Variants in KIF1B observed in about 807,000 individuals in gnomAD.
KIF1B encodes kinesin-like protein KIF1B.
In KIF1B, 76 loss-of-function variants were observed where a neutral mutation model predicts 241.9. The ratio of observed to expected loss-of-function variants is 0.31; its 90% confidence interval spans 0.26 to 0.38. The LOEUF (loss-of-function observed/expected upper bound fraction) is 0.38, where lower values mean the gene tolerates loss of function less well. KIF1B is among the 10% of genes least tolerant of loss of function. KIF1B has a pLI of 1.00. For synonymous variants in KIF1B, 750 were observed against 796.7 expected (o/e 0.94, Z 0.99); for missense variants, 1,622 against 2,271.4 (o/e 0.71, Z 5.81).
chr1:10,258,675 GA>G lies in KIF1B; in HGVS notation c.363+8del. 6.2e-7 allele frequency: 1 copy of G among 1,613,938 alleles called. No individual in the cohort carries two copies. Among genetic ancestry groups the G allele is most frequent in the African/African-American group, 1.3e-5 (1 of 75,032 alleles). On this transcript the variant is annotated splice_donor_region_variant and intron_variant, in intron 4 of 48. Transcript: ENST00000676179. ...GCCAGGCTGGCATCATTCCACAGGTGAAAAACAAAACAAAACAAAAATCTTC... is the reference window on the plus strand; with the variant it reads ...GCCAGGCTGGCATCATTCCACAGGTGAAAACAAAACAAAACAAAAATCTTC...
chr1:10,278,839 A>T (rs1649255322), intron 13 of KIF1B: 1 of 436,020 alleles, frequency 2.3e-6, no homozygotes, highest in South Asian at 4.6e-5. Flanking sequence ...TTAGTTTAGT[A>T]AAGCATTTTT....
At chr1:10,319,686 A>G (rs186379439) in intron 22 of KIF1B, among the ~76,000 whole-genome samples, 24 of 152,174 alleles carry the variant, frequency 1.6e-4, no homozygotes, top group African/African-American at 5.3e-4. Flanking sequence ...ATTGATATAT[A>G]AGATATTACT....
intron 16 of KIF1B, 62 bp downstream of exon 16, chr1:10,291,223 G>A (rs887942332): frequency 6.0e-5 from 68 of 1,127,242 alleles, no homozygotes; most frequent in Non-Finnish European, 8.1e-5. Flanking sequence ...TTACTTTATC[G>A]TAAGAAAAGA....
At chr1:10,307,539 A>G in intron 22 of KIF1B, 2 of 633,030 alleles carry the variant, frequency 3.2e-6, no homozygotes, top group Non-Finnish European at 4.0e-6. Context: ...CGAATTCCTA[A>G]CCTCAGGTGA....
chr1:10,215,172 A>ATATATATATATATATT (rs1377684765), intron 1 of KIF1B, among the ~76,000 whole-genome samples: 2 of 45,352 alleles, frequency 4.4e-5, no homozygotes, highest in Non-Finnish European at 7.5e-5. Flanking sequence ...ATATATATAT[A>ATATATATATATATATT]TTTTTTTTTT....
chr1:10,307,858 C>T lies in KIF1B; in HGVS notation c.2115+10612C>T. 4 of 1,045,128 alleles carry T rather than the reference C, an allele frequency of 3.8e-6. No individual in the cohort carries two copies. In the South Asian group the frequency reaches 1.8e-4, roughly 48 times the overall value. 64.7% of individuals were successfully genotyped at this position (1,045,128 alleles called of 1,614,324 possible). A position where few individuals can be genotyped will look rare whatever the true frequency, so the allele number is the denominator to read the frequency against. On this transcript the variant is annotated intron_variant, in intron 22 of 48. Coordinates refer to ENST00000676179, the MANE Select transcript of KIF1B (RefSeq NM_001365951.3). ...TATTCCTTGGAGAGTTAAAGACATTCTCTTTAGTAAGTGTAAACCAAAGGG... is the reference window on the plus strand; with the variant it reads ...TATTCCTTGGAGAGTTAAAGACATTTTCTTTAGTAAGTGTAAACCAAAGGG...
At chr1:10,308,404 A>G in intron 22 of KIF1B, 1 of 1,047,310 alleles carries the variant, frequency 9.5e-7, no homozygotes, top group Non-Finnish European at 1.2e-6. Context: ...TTGTCCCATT[A>G]TTACTGTAAA....
chr1:10,341,990 C>G, intron 32 of KIF1B, 60 bp from the exon 33 acceptor site: 13 of 1,028,882 alleles, frequency 1.3e-5, no homozygotes, highest in East Asian at 2.5e-5. Context: ...TACTAAAGTT[C>G]TGATTGAAGC....
intron 1 of KIF1B, among the ~76,000 whole-genome samples, chr1:10,213,954 TAGC>T (rs1442952381): frequency 6.6e-6 from 1 of 151,478 alleles, no homozygotes; most frequent in African/African-American, 2.4e-5. Flanking sequence ...TTGGACAACA[TAGC>T]AGGACCCCCA....
At position 10,267,397 on chromosome 1, in the gene KIF1B, T is replaced by A. The variant is rs554060620; in HGVS notation, c.447T>A (p.Ile149=). 6.2e-7 allele frequency: 1 copy of A among 1,614,158 alleles called. No individual in the cohort carries two copies. The highest frequency in any genetic ancestry group is 1.3e-5 in the African/African-American group (1 of 75,044). Residue 149 remains isoleucine (I), a synonymous_variant, in exon 6 of 49, where the codon ATT becomes ATA. Transcript: ENST00000676179. The part of the protein sequence containing the change: ...SYSVEVSYME[I]YCERVRDLLN... ...GTTCATAGGTGAGCTACATGGAAAT[T>A]TACTGTGAAAGAGTACGAGATTTGC...
At chr1:10,321,328 C>T (rs935044371) in intron 23 of KIF1B, among the ~76,000 whole-genome samples, 1 of 151,502 alleles carries the variant, frequency 6.6e-6, no homozygotes, top group Non-Finnish European at 1.5e-5. Context: ...GGCCTCAAAC[C>T]CCTGACCTCA....
rs537534300 is a variant in KIF1B, at chr1:10,308,502, T to G, written c.2115+11256T>G. ...AACAAAAAAATGCTTGAAGATTGTCTTTGAGTGTAAGATCTGCCTTTTCAG... is the reference window on the plus strand; with the variant it reads ...AACAAAAAAATGCTTGAAGATTGTCGTTGAGTGTAAGATCTGCCTTTTCAG... On this transcript the variant is annotated intron_variant, in intron 22 of 48. Coordinates refer to ENST00000676179, the MANE Select transcript of KIF1B (RefSeq NM_001365951.3). 18 of 1,032,080 alleles carry G rather than the reference T, an allele frequency of 1.7e-5. No homozygotes were observed. In the African/African-American group the frequency reaches 3.0e-4, roughly 17 times the overall value. The allele number at this position is 1,032,080 out of a possible 1,614,324, so 63.9% of individuals were successfully genotyped here. A position where few individuals can be genotyped will look rare whatever the true frequency, so the allele number is the denominator to read the frequency against.
chr1:10,295,206 C>A, intron 18 of KIF1B, 41 bp downstream of exon 18: 1 of 1,192,484 alleles, frequency 8.4e-7, no homozygotes, highest in South Asian at 1.2e-5. Flanking sequence ...TGTGTTTTCC[C>A]CCTCTTAGAT....
At chr1:10,242,078 TAAG>T (rs1647145308) in intron 2 of KIF1B, among the ~76,000 whole-genome samples, 1 of 152,178 alleles carries the variant, frequency 6.6e-6, no homozygotes. Flanking sequence ...ATACAGGTGA[TAAG>T]AATAAGAAAT....
chr1:10,275,231 A>G (rs887040901), intron 10 of KIF1B, among the ~76,000 whole-genome samples, 197 bp from the exon 11 acceptor site: 1 of 152,242 alleles, frequency 6.6e-6, no homozygotes, highest in Non-Finnish European at 1.5e-5. Flanking sequence ...TTTTCAAAAT[A>G]AAATGTAAAA....
chr1:10,225,987 C>T (rs1646903753), intron 1 of KIF1B, among the ~76,000 whole-genome samples: 1 of 151,906 alleles, frequency 6.6e-6, no homozygotes, highest in South Asian at 2.1e-4. Context: ...AATTGGATAA[C>T]TGTGGTAAAG....
In KIF1B at chr1:10,276,321, G is replaced by A; in HGVS notation, c.959G>A (p.Gly320Asp). The change falls in exon 12 of 49, where the codon GGT (glycine) becomes GAT (aspartate). Residue 320 changes from glycine (G) to aspartate (D), a missense_variant and splice_region_variant. By Grantham distance (94) the Gly-to-Asp change is moderately conservative (BLOSUM62 -1). Transcript: ENST00000676179. ...VLTWLLRENL[G>D]GNSRTAMVAA... The stretch of plus-strand genomic sequence containing the variant: ...TGATACTCATGATTAATCTTTTTAG[G>A]TGGCAATTCTCGGACTGCAATGGTT... 6.2e-7 allele frequency: 1 copy of A among 1,611,866 alleles called. No individual in the cohort carries two copies. The highest frequency in any genetic ancestry group is 8.5e-7 in the Non-Finnish European group (1 of 1,178,110).
chr1:10,283,239 T>A (rs111368727), intron 15 of KIF1B, among the ~76,000 whole-genome samples: 21,253 of 123,884 alleles, frequency 0.17, 2,809 homozygotes, highest in Non-Finnish European at 0.23. Flanking sequence ...AAAGATAAAG[T>A]TAGAACATTT....
chr1:10,239,038 T>G (rs1055612241), intron 2 of KIF1B, among the ~76,000 whole-genome samples: 1 of 152,126 alleles, frequency 6.6e-6, no homozygotes, highest in Non-Finnish European at 1.5e-5. Flanking sequence ...AGCTTCCCCC[T>G]CCCTGGCTGA....
Sources: allele counts gnomAD v4.1 joint callset (sites outside exome capture counted in the v4.1 genomes callset), GRCh38; gene constraint gnomAD v4.1.1; transcripts MANE v1.5; gene names NCBI Gene and HGNC (gene_info 2026-07-23, HGNC 2026-07-21).